Variants in TBC1D21 observed in about 807,000 individuals in gnomAD.
TBC1D21 encodes male germ cell Rab GTPase-activating protein.
A neutral mutation model predicts 46.0 loss-of-function variants in TBC1D21; 38 were observed. The observed-to-expected ratio is 0.83, with a 90% CI of 0.64 to 1.08. The LOEUF is 1.08. Ranked by LOEUF, TBC1D21 falls within the 50% of genes least tolerant of loss-of-function variation. The pLI, the probability that TBC1D21 is intolerant of heterozygous loss-of-function variation, is 0.00. For synonymous variants in TBC1D21, 151 were observed against 157.2 expected, an observed-to-expected ratio of 0.96 and a Z score of 0.29; for missense variants, 415 against 417.9, an observed-to-expected ratio of 0.99 and a Z score of 0.06.
chr15:73,883,645 G>T (rs1411965086), intron 3 of TBC1D21, among the ~76,000 whole-genome samples: 1 of 152,196 alleles, frequency 6.6e-6, no homozygotes, highest in Non-Finnish European at 1.5e-5. Flanking sequence ...TCCCCCACAT[G>T]GTTACATTCA....
Position 73,877,913 on chromosome 15 carries a change from T to G in TBC1D21, c.61-3486T>G, listed in dbSNP as rs144837533. Among the ~76,000 whole-genome samples the G allele has an allele frequency of 1.6e-3, 239 of 152,326 alleles. 10 individuals are homozygous for G. In the East Asian group the frequency reaches 0.039, roughly 25 times the overall value. ...AGCATGCTAGAACTGGAAGGGACTG[T>G]CTTCAACCTGATAAAAGGCATCTGT... is the stretch of plus-strand genomic sequence containing the variant. On this transcript the variant is annotated intron_variant, in intron 1 of 10. Transcript: ENST00000300504.
chr15:73,886,170 C>T lies in TBC1D21; in HGVS notation c.672C>T (p.His224=), dbSNP rs778198874. 4 of 1,614,134 alleles carry T rather than the reference C, an allele frequency of 2.5e-6. No homozygotes were observed. Among genetic ancestry groups the T allele is most frequent in the Non-Finnish European group, 1.7e-6 (2 of 1,179,984 alleles). The part of the protein sequence containing the change: ...ITFLDPVFAE[H]LKGKGAGAVQ... The stretch of plus-strand genomic sequence containing the variant: ...TCCTGGACCCCGTGTTTGCTGAGCA[C>T]CTAAGTGAGTGGTTCCCACCTCCTG... The change falls in exon 7 of 11, where the codon CAC becomes CAT. Residue 224 remains histidine, a synonymous_variant. Coordinates refer to ENST00000300504, the MANE Select transcript of TBC1D21 (RefSeq NM_153356.3).
In TBC1D21 at chr15:73,884,798, A is replaced by C. The variant is rs771171857; in HGVS notation, c.385A>C (p.Ile129Leu). The C allele has an allele frequency of 4.3e-6, 7 of 1,613,908 alleles. No homozygotes were observed. In the South Asian group the frequency reaches 7.7e-5, roughly 18 times the overall value. Reference sequence around the variant, plus strand: ...CAACCTAGCACGTGACATTCAGAAAATCTATGACAAAGATCCCCTGGGCAA... The same window carrying C: ...CAACCTAGCACGTGACATTCAGAAACTCTATGACAAAGATCCCCTGGGCAA... ...RNNIARDIQK[I>L]YDKDPLGNVL... is the part of the protein sequence containing the mutation. Residue 129 changes from isoleucine to leucine, a missense_variant, in exon 5 of 11, where the codon ATC (isoleucine) becomes CTC (leucine). Coordinates refer to ENST00000300504, the MANE Select transcript of TBC1D21 (RefSeq NM_153356.3).
chr15:73,898,067 C>A, the TBC1D21 span, among the ~76,000 whole-genome samples: 1 of 152,216 alleles, frequency 6.6e-6, no homozygotes, highest in South Asian at 2.1e-4. Context: ...GGGACCTCAG[C>A]TGAGTCATCT....
At chr15:73,895,252 TAGAG>T in the TBC1D21 span, among the ~76,000 whole-genome samples, 2,452 of 152,238 alleles carry the variant, frequency 0.016, 56 homozygotes, top group African/African-American at 0.056. Flanking sequence ...TCCTTCCACT[TAGAG>T]GGAGTTCAAG....
chr15:73,874,446 T>C (rs1050869452), intron 1 of TBC1D21, among the ~76,000 whole-genome samples: 1 of 152,272 alleles, frequency 6.6e-6, no homozygotes, highest in African/African-American at 2.4e-5. Context: ...TTATGTACGA[T>C]GAATGTTCTA....
chr15:73,900,743 G>A, the TBC1D21 span, among the ~76,000 whole-genome samples: 2 of 152,186 alleles, frequency 1.3e-5, no homozygotes, highest in Admixed American at 6.5e-5. Context: ...GTCTATTCAA[G>A]ATGATGCAGC....
the TBC1D21 span, among the ~76,000 whole-genome samples, chr15:73,905,448 G>A: frequency 6.6e-6 from 1 of 152,148 alleles, no homozygotes; most frequent in African/African-American, 2.4e-5. Flanking sequence ...GCTCTACCTG[G>A]CTGAATTCAG....
intron 1 of TBC1D21, among the ~76,000 whole-genome samples, chr15:73,878,630 T>C (rs2068103325): frequency 6.6e-6 from 1 of 152,146 alleles, no homozygotes; most frequent in Non-Finnish European, 1.5e-5. Context: ...AAGACCTACA[T>C]AAACAGAGAA....
intron 1 of TBC1D21, among the ~76,000 whole-genome samples, chr15:73,880,304 C>CTACA (rs140867544): frequency 6.7e-6 from 1 of 149,378 alleles, no homozygotes; most frequent in Non-Finnish European, 1.5e-5. Flanking sequence ...CAGATATATA[C>CTACA]CACACACACA....
chr15:73,905,694 C>G, the TBC1D21 span, among the ~76,000 whole-genome samples: 1 of 152,208 alleles, frequency 6.6e-6, no homozygotes, highest in African/African-American at 2.4e-5. Context: ...TGCCTTTATT[C>G]ACCTCCCATT....
the TBC1D21 span, among the ~76,000 whole-genome samples, chr15:73,905,287 G>A: frequency 9.9e-5 from 15 of 152,186 alleles, no homozygotes; most frequent in Non-Finnish European, 1.5e-4. Context: ...CACATGACAC[G>A]CAACTTTAAA....
chr15:73,892,942 G>A (rs1284664911), downstream of TBC1D21, among the ~76,000 whole-genome samples: 1 of 152,218 alleles, frequency 6.6e-6, no homozygotes, highest in Non-Finnish European at 1.5e-5. Context: ...CAGTGATGGT[G>A]GTGAAGCTAA....
the TBC1D21 span, among the ~76,000 whole-genome samples, chr15:73,902,983 A>G: frequency 6.6e-6 from 1 of 152,208 alleles, no homozygotes; most frequent in Non-Finnish European, 1.5e-5. Flanking sequence ...TCCCTGGCTC[A>G]GAGCAACTCC....
chr15:73,891,082 A>T (rs1181321607), downstream of TBC1D21, among the ~76,000 whole-genome samples: 1 of 152,242 alleles, frequency 6.6e-6, no homozygotes, highest in Non-Finnish European at 1.5e-5. Context: ...CTCTCAGCTC[A>T]TCTGCAGTAC....
intron 6 of TBC1D21, 117 bp downstream of exon 6, chr15:73,885,220 GTC>G: frequency 1.1e-6 from 1 of 917,028 alleles, no homozygotes; most frequent in Non-Finnish European, 1.7e-6. Context: ...AGGCTTCTGG[GTC>G]TCAGAGGAGC....
the TBC1D21 span, chr15:73,907,983 A>G: frequency 6.6e-6 from 1 of 152,220 alleles, no homozygotes; most frequent in Non-Finnish European, 1.5e-5. Flanking sequence ...CTATGTGGAA[A>G]GTTATTCTTT....
chr15:73,879,034 G>A (rs1460800750), intron 1 of TBC1D21, among the ~76,000 whole-genome samples: 2 of 152,210 alleles, frequency 1.3e-5, no homozygotes, highest in African/African-American at 2.4e-5. Context: ...ACCGAGATTT[G>A]TAACTTCTTG....
chr15:73,887,484 A>C, intron 8 of TBC1D21, 136 bp from the exon 9 acceptor site: 1 of 698,668 alleles, frequency 1.4e-6, no homozygotes, highest in Non-Finnish European at 2.6e-6. Flanking sequence ...GAATGAAGGA[A>C]TGATTGAATG....
Sources: gnomAD v4.1 joint callset for allele counts (sites outside exome capture counted in the v4.1 genomes callset) on GRCh38, gnomAD v4.1.1 for gene constraint, MANE v1.5 for transcripts, NCBI Gene and HGNC (gene_info 2026-07-23, HGNC 2026-07-21) for gene names.